The following RABGAP1L variants were observed in gnomAD, a reference collection of about 807,000 sequenced individuals.
RABGAP1L encodes the protein rab GTPase-activating protein 1-like.
RABGAP1L carries 63 observed loss-of-function variants against 137.7 expected under a neutral mutation model. The observed-to-expected ratio is 0.46, with a 90% confidence interval of 0.37 to 0.56. The LOEUF (loss-of-function observed/expected upper bound fraction) is 0.56. Among genes scored for constraint, RABGAP1L ranks in the 20% least tolerant of loss-of-function variants. The probability of loss-of-function intolerance (pLI) is 0.00; values close to 1 mark genes in which losing one functional copy is unlikely to be tolerated. For synonymous variants in RABGAP1L, 431 were observed against 433.7 expected (o/e 0.99, Z 0.08); for missense variants, 1,095 against 1,244.0 (o/e 0.88, Z 1.80).
intron 13 of RABGAP1L, among the ~76,000 whole-genome samples, chr1:174,412,738 A>G (rs1486166200): frequency 1.3e-5 from 2 of 152,182 alleles, no homozygotes; most frequent in Non-Finnish European, 2.9e-5. Context: ...TTGGCAGAAT[A>G]TGAAATTCTT....
intron 19 of RABGAP1L, among the ~76,000 whole-genome samples, chr1:174,851,802 G>A (rs1001548991): frequency 9.2e-5 from 14 of 151,768 alleles, no homozygotes; most frequent in African/African-American, 3.4e-4. Flanking sequence ...ATTACAATGT[G>A]TGCCACAACA....
intron 5 of RABGAP1L, among the ~76,000 whole-genome samples, chr1:174,241,996 T>A (rs2148560133): frequency 6.6e-6 from 1 of 152,330 alleles, no homozygotes; most frequent in East Asian, 1.9e-4. Context: ...CCATGTGATT[T>A]TAAAAAGTGC....
rs1184718633 is a variant in RABGAP1L at position 174,990,147 on chromosome 1, C to T, written c.*146C>T. ...GTAGCTCTCACTCTTTCTTGTATGACACTTTTCAAAGGGATGCTATTTAAA... is the reference window on the plus strand; with the variant it reads ...GTAGCTCTCACTCTTTCTTGTATGATACTTTTCAAAGGGATGCTATTTAAA... On this transcript the variant is annotated 3_prime_UTR_variant, in exon 26 of 26. Transcript: ENST00000681986. 1.1e-5 allele frequency: 12 copies of T among 1,068,334 alleles called. No homozygotes were observed. The highest frequency in any genetic ancestry group is 1.6e-5 in the Non-Finnish European group (12 of 760,282). The allele number at this position is 1,068,334 out of a possible 1,614,324, so 66.2% of individuals were successfully genotyped here. A position where few individuals can be genotyped will look rare whatever the true frequency, so the allele number is the denominator to read the frequency against.
chr1:174,578,807 CT>C (rs1276361680), intron 13 of RABGAP1L, among the ~76,000 whole-genome samples: 1 of 129,286 alleles, frequency 7.7e-6, no homozygotes, highest in Non-Finnish European at 1.7e-5. Flanking sequence ...TATATTATTA[CT>C]TTATTAAAAT....
rs1260861768 is a variant in RABGAP1L at position 174,991,786 on chromosome 1, T to G, written c.*1785T>G. ...TCTAGATAAGCTAATTTTTTTTTTT[T>G]TTTTTTTGTAAAATGTAATAGCTAG... On this transcript the variant is annotated 3_prime_UTR_variant, in exon 26 of 26. Coordinates refer to ENST00000681986, the MANE Select transcript of RABGAP1L (RefSeq NM_001366446.1). The G allele has an allele frequency of 6.6e-6, 1 of 152,014 alleles. No individual in the cohort carries two copies. The highest frequency in any genetic ancestry group is 1.5e-5 in the Non-Finnish European group (1 of 67,980). 9.4% of individuals were successfully genotyped at this position (152,014 alleles called of 1,614,324 possible).
At chr1:174,346,657 A>G (rs1348051286) in intron 11 of RABGAP1L, among the ~76,000 whole-genome samples, 2 of 151,424 alleles carry the variant, frequency 1.3e-5, no homozygotes, top group Admixed American at 6.6e-5. Flanking sequence ...ATAAAGTTCT[A>G]TCAATTTTGT....
chr1:174,407,161 C>T (rs948419131), intron 13 of RABGAP1L, among the ~76,000 whole-genome samples: 1 of 151,996 alleles, frequency 6.6e-6, no homozygotes, highest in African/African-American at 2.4e-5. Flanking sequence ...CAGCTGATAC[C>T]CATGAGGCAC....
intron 13 of RABGAP1L, among the ~76,000 whole-genome samples, chr1:174,450,629 A>T (rs2149256790): frequency 6.6e-6 from 1 of 152,148 alleles, no homozygotes; most frequent in African/African-American, 2.4e-5. Flanking sequence ...AGATTAACTT[A>T]TTTTTTTGCC....
chr1:174,307,419 C>T (rs932421154), intron 11 of RABGAP1L, among the ~76,000 whole-genome samples: 1 of 152,114 alleles, frequency 6.6e-6, no homozygotes, highest in East Asian at 1.9e-4. Context: ...TTTTCGTCAT[C>T]CAAGAGGAAA....
intron 13 of RABGAP1L, among the ~76,000 whole-genome samples, chr1:174,570,669 T>C (rs1322785906): frequency 6.6e-6 from 1 of 151,956 alleles, no homozygotes; most frequent in Non-Finnish European, 1.5e-5. Context: ...GAATCTAAAA[T>C]AAAAGTTGAA....
At chr1:174,645,732 C>T (rs1674916239) in intron 14 of RABGAP1L, among the ~76,000 whole-genome samples, 1 of 152,086 alleles carries the variant, frequency 6.6e-6, no homozygotes, top group Non-Finnish European at 1.5e-5. Context: ...GGGTACATAT[C>T]CAGTAATGGG....
chr1:174,418,940 A>G (rs538643137), intron 13 of RABGAP1L, among the ~76,000 whole-genome samples: 7 of 152,290 alleles, frequency 4.6e-5, no homozygotes, highest in African/African-American at 1.7e-4. Flanking sequence ...CAGGAGGCTG[A>G]GGCAGGAGAA....
chr1:174,662,067 C>T (rs1243110268), intron 14 of RABGAP1L, among the ~76,000 whole-genome samples: 3 of 148,904 alleles, frequency 2.0e-5, no homozygotes, highest in Non-Finnish European at 3.0e-5. Flanking sequence ...TGAGGTAGGT[C>T]GTTCAGGAGG....
chr1:174,271,899 G>A (rs1674586790), intron 7 of RABGAP1L, among the ~76,000 whole-genome samples: 2 of 151,702 alleles, frequency 1.3e-5, no homozygotes, highest in Admixed American at 1.3e-4. Flanking sequence ...TAAAACTGAG[G>A]ATATAGTATT....
Position 174,393,993 on chromosome 1 carries a change from A to G in RABGAP1L, c.1560-2A>G. ...GAATGGATTATTTTCTTGTCTTCTCAGGCACAGTAACCTTGGTGCACGACC... is the reference window on the plus strand; with the variant it reads ...GAATGGATTATTTTCTTGTCTTCTCGGGCACAGTAACCTTGGTGCACGACC... On this transcript the variant is annotated splice_acceptor_variant, in intron 12 of 25. Transcript: ENST00000681986. LOFTEE classifies it high-confidence loss of function. 1 of 1,611,012 alleles carries G rather than the reference A, an allele frequency of 6.2e-7. No individual in the cohort carries two copies. Among genetic ancestry groups the G allele is most frequent in the Non-Finnish European group, 8.5e-7 (1 of 1,178,918 alleles).
intron 4 of RABGAP1L, among the ~76,000 whole-genome samples, chr1:174,240,539 C>T (rs903566404): frequency 3.3e-5 from 5 of 152,196 alleles, no homozygotes; most frequent in African/African-American, 4.8e-5. Flanking sequence ...TGAGCCACTG[C>T]GCCCAACCAG....
chr1:174,748,310 T>C (rs1344260611), intron 17 of RABGAP1L, among the ~76,000 whole-genome samples: 1 of 152,196 alleles, frequency 6.6e-6, no homozygotes, highest in Non-Finnish European at 1.5e-5. Flanking sequence ...AGTTTAATCA[T>C]TCAGTCTTCA....
At chr1:174,335,253 T>C (rs1681379612) in intron 11 of RABGAP1L, among the ~76,000 whole-genome samples, 1 of 152,224 alleles carries the variant, frequency 6.6e-6, no homozygotes, top group Admixed American at 6.5e-5. Flanking sequence ...AATGCTTTCC[T>C]GCTGTGGGGA....
chr1:174,574,425 A>G (rs1037402162), intron 13 of RABGAP1L, among the ~76,000 whole-genome samples: 4 of 152,094 alleles, frequency 2.6e-5, no homozygotes, highest in Non-Finnish European at 5.9e-5. Context: ...CTTGTTCTCA[A>G]TGAAAGTCAA....
Sources: gnomAD v4.1 joint callset for allele counts (sites outside exome capture counted in the v4.1 genomes callset) on GRCh38, gnomAD v4.1.1 for gene constraint, MANE v1.5 for transcripts, NCBI Gene and HGNC (gene_info 2026-07-23, HGNC 2026-07-21) for gene names.